Variants in GDAP1L1 observed in about 807,000 individuals in gnomAD.
The protein encoded by GDAP1L1 is ganglioside-induced differentiation-associated protein 1-like 1.
A neutral mutation model predicts 37.1 loss-of-function variants in GDAP1L1; 21 were observed. That is an observed-to-expected ratio of 0.57 (90% confidence interval 0.40 to 0.81). The LOEUF (loss-of-function observed/expected upper bound fraction) is 0.81, where lower values mean the gene tolerates loss of function less well. Among genes scored for constraint, GDAP1L1 ranks in the 40% least tolerant of loss-of-function variants. The pLI, the probability that GDAP1L1 is intolerant of heterozygous loss-of-function variation, is 0.00. For synonymous variants in GDAP1L1, 193 were observed against 209.1 expected, an observed-to-expected ratio of 0.92 and a Z score of 0.67; for missense variants, 362 against 491.6, an observed-to-expected ratio of 0.74 and a Z score of 2.49.
intron 5 of GDAP1L1, among the ~76,000 whole-genome samples, chr20:44,276,468 A>AAAGAAAGAAAG (rs1480283790): frequency 2.8e-5 from 2 of 71,762 alleles, no homozygotes; most frequent in Non-Finnish European, 3.1e-5. Flanking sequence ...AAGAAAGAAA[A>AAAGAAAGAAAG]AGAAAGGCAG....
chr20:44,263,403 TAGA>T, intron 4 of GDAP1L1, 76 bp downstream of exon 4: 2 of 1,002,184 alleles, frequency 2.0e-6, no homozygotes, highest in Admixed American at 3.8e-5. Context: ...AGAAACTAAG[TAGA>T]AGATCAGCTG....
At chr20:44,259,009 G>T (rs2073621488) in intron 3 of GDAP1L1, among the ~76,000 whole-genome samples, 2 of 151,458 alleles carry the variant, frequency 1.3e-5, no homozygotes, top group Admixed American at 1.3e-4. Flanking sequence ...TCCCCACAAG[G>T]TTTGTTCTCC....
chr20:44,264,392 T>A (rs1944684707), intron 4 of GDAP1L1, 53 bp from the exon 5 acceptor site: 20 of 1,418,826 alleles, frequency 1.4e-5, no homozygotes, highest in Non-Finnish European at 1.8e-5. Context: ...TCCCTGAACA[T>A]CCTGGCTCTA....
At chr20:44,278,499 G>C (rs1044508496) in intron 5 of GDAP1L1, among the ~76,000 whole-genome samples, 1 of 152,126 alleles carries the variant, frequency 6.6e-6, no homozygotes, top group Non-Finnish European at 1.5e-5. Context: ...TCCTGCCTTA[G>C]CCTCCTCAGT....
In GDAP1L1 at chr20:44,263,278, A is replaced by G; in HGVS notation, c.596A>G (p.Glu199Gly). 1.2e-6 allele frequency: 2 copies of G among 1,614,176 alleles called. No homozygotes were observed. Among genetic ancestry groups the G allele is most frequent in the Non-Finnish European group, 1.7e-6 (2 of 1,180,008 alleles). Residue 199 changes from glutamate to glycine, a missense_variant, in exon 4 of 6, where the codon GAG becomes GGG. This residue lies in a region of GDAP1L1 where 277 missense variants were observed against 337.1 expected (regional missense o/e 0.82). Transcript: ENST00000342560. Reference protein sequence around the residue: ...TTDLMKLDHEEEPQLSEPYLS... With the variant: ...TTDLMKLDHEGEPQLSEPYLS... Reference sequence around the variant, plus strand: ...GACCTCATGAAACTGGACCATGAAGAGGAGCCCCAGCTCTCCGAGCCCTAC... The same window carrying G: ...GACCTCATGAAACTGGACCATGAAGGGGAGCCCCAGCTCTCCGAGCCCTAC...
Position 44,279,452 on chromosome 20 carries a change from G to C in GDAP1L1, c.*152G>C, listed in dbSNP as rs150099563. ...AATACCGTCAGTGTGAAAACATTCC[G>C]TAGTTTAGAAGTAGACGTTGCCAAT... On this transcript the variant is annotated 3_prime_UTR_variant, in exon 6 of 6. Transcript: ENST00000342560. The C allele has an allele frequency of 1.4e-6, 1 of 712,226 alleles. No individual in the cohort carries two copies. The highest frequency in any genetic ancestry group is 2.6e-6 in the Non-Finnish European group (1 of 386,538). 44.1% of individuals were successfully genotyped at this position (712,226 alleles called of 1,614,324 possible).
chr20:44,268,137 T>A (rs2062475209), intron 5 of GDAP1L1, among the ~76,000 whole-genome samples: 1 of 152,220 alleles, frequency 6.6e-6, no homozygotes. Flanking sequence ...GAGCCCAGTG[T>A]TGGAAGGGAT....
rs572497691 is a variant in GDAP1L1 at position 44,279,207 on chromosome 20, A to G, written c.1011A>G (p.Lys337=). 5 of 1,613,860 alleles carry G rather than the reference A, an allele frequency of 3.1e-6. No homozygotes were observed. The East Asian group carries it at 8.9e-5, about 29-fold the overall frequency. ...IPNAFRLVKR[K]PPSFFGASFL... ...ATGCTTTCCGGCTGGTCAAGAGGAAACCCCCATCCTTCTTCGGGGCGTCCT... is the reference window on the plus strand; with the variant it reads ...ATGCTTTCCGGCTGGTCAAGAGGAAGCCCCCATCCTTCTTCGGGGCGTCCT... The change falls in exon 6 of 6, where the codon AAA becomes AAG. Residue 337 remains lysine (K), a synonymous_variant. Transcript: ENST00000342560.
At chr20:44,255,012 CAG>C (rs2073512477) in intron 1 of GDAP1L1, among the ~76,000 whole-genome samples, 3 of 152,184 alleles carry the variant, frequency 2.0e-5, no homozygotes, top group Admixed American at 1.3e-4. Flanking sequence ...AGCTAGAAAT[CAG>C]AGAGAGCAAG....
intron 5 of GDAP1L1, among the ~76,000 whole-genome samples, chr20:44,268,331 T>G (rs905718090): frequency 1.3e-5 from 2 of 152,224 alleles, no homozygotes; most frequent in Non-Finnish European, 2.9e-5. Flanking sequence ...TTTGTTAAGA[T>G]AGTAAATGTT....
At position 44,279,647 on chromosome 20, in the gene GDAP1L1, C is replaced by T. The variant is rs558863615; in HGVS notation, c.*347C>T. 2.1e-6 allele frequency: 1 copy of T among 485,152 alleles called. No homozygotes were observed. The highest frequency in any genetic ancestry group is 2.0e-5 in the African/African-American group (1 of 50,812). The allele number at this position is 485,152 out of a possible 1,614,324, so 30.1% of individuals were successfully genotyped here. On this transcript the variant is annotated 3_prime_UTR_variant, in exon 6 of 6. Transcript: ENST00000342560. ...GTGAGTCCCAGGATGTTTCGTCCACCAGGGCCCAGATTCTGGGAGGTGCTG... is the reference window on the plus strand; with the variant it reads ...GTGAGTCCCAGGATGTTTCGTCCACTAGGGCCCAGATTCTGGGAGGTGCTG...
chr20:44,247,108 C>T, upstream of GDAP1L1: 2 of 585,246 alleles, frequency 3.4e-6, no homozygotes, highest in South Asian at 4.0e-5. Flanking sequence ...TGCAGGGAGC[C>T]TGACACTGAG....
At chr20:44,257,979 C>A (rs1275358326) in intron 2 of GDAP1L1, among the ~76,000 whole-genome samples, 1 of 152,158 alleles carries the variant, frequency 6.6e-6, no homozygotes, top group Non-Finnish European at 1.5e-5. Context: ...CTCGCAGAGA[C>A]CCCGTCCTCT....
chr20:44,264,299 C>T, intron 4 of GDAP1L1, 146 bp from the exon 5 acceptor site: 1 of 1,204,786 alleles, frequency 8.3e-7, no homozygotes, highest in Non-Finnish European at 1.0e-6. Flanking sequence ...GATGAGGGTG[C>T]TTCATAACGG....
At chr20:44,272,675 G>A (rs752384016) in intron 5 of GDAP1L1, among the ~76,000 whole-genome samples, 6 of 152,136 alleles carry the variant, frequency 3.9e-5, no homozygotes, top group African/African-American at 1.4e-4. Context: ...ACAGGGAAGG[G>A]ATCAGATACC....
At chr20:44,260,077 C>T (rs1182083553) in intron 3 of GDAP1L1, among the ~76,000 whole-genome samples, 1 of 152,066 alleles carries the variant, frequency 6.6e-6, no homozygotes, top group Admixed American at 6.6e-5. Context: ...ACATATGCAC[C>T]AAGAAGTATG....
intron 5 of GDAP1L1, chr20:44,264,800 T>C: frequency 8.7e-7 from 1 of 1,153,424 alleles, no homozygotes. Flanking sequence ...GGGATAATAG[T>C]AGGACCTGCC....
chr20:44,255,544 A>C (rs78930134), intron 1 of GDAP1L1, among the ~76,000 whole-genome samples: 2 of 76,262 alleles, frequency 2.6e-5, no homozygotes, highest in Admixed American at 1.9e-4. Flanking sequence ...TCTGTCTCAA[A>C]AAAAAAAAAA....
At chr20:44,256,725 C>T (rs58522056) in intron 1 of GDAP1L1, among the ~76,000 whole-genome samples, 2,124 of 152,192 alleles carry the variant, frequency 0.014, 47 homozygotes, top group African/African-American at 0.049. Context: ...AGGGGCCAGG[C>T]TGAGTGCTCA....
Sources: allele counts gnomAD v4.1 joint callset (sites outside exome capture counted in the v4.1 genomes callset), GRCh38; gene constraint gnomAD v4.1.1; regional missense constraint gnomAD v4.1.1; transcripts MANE v1.5; gene names NCBI Gene and HGNC (gene_info 2026-07-23, HGNC 2026-07-21).